IGF2BP2: variants seen among roughly 807,000 people sequenced by gnomAD.
IGF2BP2 encodes the protein insulin-like growth factor 2 mRNA-binding protein 2.
A neutral mutation model predicts 75.8 loss-of-function variants in IGF2BP2; 17 were observed. That is an observed-to-expected ratio of 0.22 (90% CI 0.15 to 0.34). The LOEUF is 0.34. IGF2BP2 is among the 10% of genes least tolerant of loss of function. The pLI, the probability that IGF2BP2 is intolerant of heterozygous loss-of-function variation, is 1.00. For missense variants in IGF2BP2, 516 were observed against 772.4 expected (o/e 0.67, Z 3.93); for synonymous variants, 288 against 295.6 (o/e 0.97, Z 0.26).
intron 2 of IGF2BP2, among the ~76,000 whole-genome samples, chr3:185,794,527 T>C (rs142578841): frequency 7.9e-5 from 12 of 152,280 alleles, no homozygotes; most frequent in African/African-American, 2.2e-4. Flanking sequence ...CAGTATTCCT[T>C]ACCCTAGACT....
intron 2 of IGF2BP2, among the ~76,000 whole-genome samples, chr3:185,820,162 C>T (rs904324168): frequency 6.6e-6 from 1 of 151,356 alleles, no homozygotes. Flanking sequence ...TACAAAAGCA[C>T]ATTCAAGTTA....
intron 2 of IGF2BP2, among the ~76,000 whole-genome samples, chr3:185,764,327 C>T (rs191967595): frequency 1.9e-3 from 296 of 152,188 alleles, no homozygotes; most frequent in Non-Finnish European, 2.6e-3. Context: ...CAGGGCTATG[C>T]TTTAGGAGGC....
intron 2 of IGF2BP2, among the ~76,000 whole-genome samples, chr3:185,730,330 C>G (rs992523671): frequency 3.3e-5 from 5 of 151,918 alleles, no homozygotes; most frequent in Non-Finnish European, 7.4e-5. Flanking sequence ...ATTTATACCA[C>G]CTTTTCTTTA....
intron 13 of IGF2BP2, among the ~76,000 whole-genome samples, chr3:185,649,906 G>A (rs1344046725): frequency 6.6e-6 from 1 of 152,142 alleles, no homozygotes; most frequent in Non-Finnish European, 1.5e-5. Flanking sequence ...TTGTTCAGGG[G>A]ATTCTTATCC....
intron 2 of IGF2BP2, among the ~76,000 whole-genome samples, chr3:185,757,458 ACT>A (rs1731770223): frequency 1.5e-5 from 2 of 130,094 alleles, no homozygotes; most frequent in Admixed American, 1.6e-4. Context: ...TATATCTCAT[ACT>A]TTTTTTTTTT....
At chr3:185,668,506 G>GATATATATACATATATATAT (rs1221304712) in intron 10 of IGF2BP2, among the ~76,000 whole-genome samples, 1 of 128,006 alleles carries the variant, frequency 7.8e-6, no homozygotes, top group Non-Finnish European at 1.7e-5. Context: ...GAGAGAGAGA[G>GATATATATACATATATATAT]AGATATATAT....
At chr3:185,694,243 A>T (rs1303218849) in intron 4 of IGF2BP2, among the ~76,000 whole-genome samples, 1 of 152,194 alleles carries the variant, frequency 6.6e-6, no homozygotes, top group Non-Finnish European at 1.5e-5. Flanking sequence ...GTCCTCTCTC[A>T]GTGCTGACAC....
intron 2 of IGF2BP2, among the ~76,000 whole-genome samples, chr3:185,820,741 A>G (rs1193302252): frequency 6.6e-6 from 1 of 152,210 alleles, no homozygotes; most frequent in Non-Finnish European, 1.5e-5. Context: ...TTTGAGATAC[A>G]GATAATCAAA....
chr3:185,790,248 A>G (rs1578312614), intron 2 of IGF2BP2, among the ~76,000 whole-genome samples: 1 of 150,806 alleles, frequency 6.6e-6, no homozygotes, highest in South Asian at 2.1e-4. Flanking sequence ...GATCTGACAT[A>G]AAGTACTGTT....
intron 2 of IGF2BP2, among the ~76,000 whole-genome samples, chr3:185,811,134 A>G (rs1739763146): frequency 6.6e-6 from 1 of 152,156 alleles, no homozygotes; most frequent in South Asian, 2.1e-4. Context: ...ATCATCACAT[A>G]AAGATAAAAA....
intron 2 of IGF2BP2, among the ~76,000 whole-genome samples, chr3:185,780,052 G>A (rs1408255457): frequency 6.6e-6 from 1 of 152,202 alleles, no homozygotes; most frequent in Non-Finnish European, 1.5e-5. Context: ...AAGTGAATGA[G>A]CCAGATCATG....
At chr3:185,807,293 T>C (rs1200633203) in intron 2 of IGF2BP2, among the ~76,000 whole-genome samples, 1 of 152,172 alleles carries the variant, frequency 6.6e-6, no homozygotes, top group Non-Finnish European at 1.5e-5. Flanking sequence ...TGAGGTTGAA[T>C]GCTAAAAATG....
At chr3:185,722,014 T>C (rs914637238) in intron 2 of IGF2BP2, 5 of 262,582 alleles carry the variant, frequency 1.9e-5, no homozygotes, top group Non-Finnish European at 3.8e-5. Flanking sequence ...ACTTGTTTTT[T>C]TTTTTAATTT....
At chr3:185,692,588 C>G in intron 5 of IGF2BP2, 111 bp downstream of exon 5, 2 of 948,728 alleles carry the variant, frequency 2.1e-6, no homozygotes, top group Non-Finnish European at 3.2e-6. Context: ...TGGCACATAT[C>G]CAGCTCAAAG....
intron 2 of IGF2BP2, among the ~76,000 whole-genome samples, chr3:185,716,262 A>G (rs1725593876): frequency 6.6e-6 from 1 of 152,104 alleles, no homozygotes; most frequent in African/African-American, 2.4e-5. Context: ...TTATTCCGAC[A>G]ATGATTCCTC....
chr3:185,672,510 T>C (rs1242543895), intron 10 of IGF2BP2, 31 bp downstream of exon 10: 3 of 1,605,456 alleles, frequency 1.9e-6, no homozygotes, highest in Non-Finnish European at 2.6e-6. Flanking sequence ...GCCCAGCGCA[T>C]AAGCAAACCT....
intron 10 of IGF2BP2, among the ~76,000 whole-genome samples, chr3:185,666,882 T>A (rs1299184774): frequency 2.0e-5 from 3 of 152,216 alleles, no homozygotes; most frequent in Non-Finnish European, 4.4e-5. Context: ...TAGGCCCACA[T>A]GTTTTTTGAT....
chr3:185,647,013 A>C lies in IGF2BP2; in HGVS notation c.1707+12T>G. ...GACTTGCAGGAGAGACAGGGCCCTC[A>C]CAGCACAGTACCTGGCTAGCAAAGA... On this transcript the variant is annotated intron_variant, in intron 15 of 15. Coordinates refer to ENST00000382199, the MANE Select transcript of IGF2BP2 (RefSeq NM_006548.6). The surrounding 1 kb of genome is among the most constrained non-coding windows in gnomAD (Gnocchi z 4.9). The C allele has an allele frequency of 6.3e-7, 1 of 1,591,954 alleles. No individual in the cohort carries two copies. The highest frequency in any genetic ancestry group is 8.6e-7 in the Non-Finnish European group (1 of 1,159,892).
intron 2 of IGF2BP2, among the ~76,000 whole-genome samples, chr3:185,785,412 G>A (rs1389743425): frequency 2.1e-4 from 32 of 149,276 alleles, no homozygotes; most frequent in Non-Finnish European, 3.9e-4. Context: ...TCAATAACGA[G>A]TGTTAAAAAA....
Sources: gnomAD v4.1 joint callset for allele counts (sites outside exome capture counted in the v4.1 genomes callset) on GRCh38, gnomAD v4.1.1 for gene constraint, Gnocchi (gnomAD v3.1) non-coding constraint, MANE v1.5 for transcripts, NCBI Gene and HGNC (gene_info 2026-07-23, HGNC 2026-07-21) for gene names.